GPHN: variants seen among roughly 807,000 people sequenced by gnomAD.
GPHN encodes the protein gephyrin.
In GPHN, 17 loss-of-function variants were observed where a neutral mutation model predicts 95.5. The observed-to-expected ratio is 0.18, with a 90% CI of 0.12 to 0.27. GPHN has a LOEUF of 0.27. Ranked by LOEUF, GPHN falls within the 10% of genes least tolerant of loss-of-function variation. GPHN has a pLI of 1.00. For synonymous variants in GPHN, 320 were observed against 322.5 expected (o/e 0.99, Z 0.08); for missense variants, 660 against 978.1 (o/e 0.67, Z 4.34).
chr14:66,952,423 C>T (rs1472089831), intron 8 of GPHN, among the ~76,000 whole-genome samples: 6 of 152,070 alleles, frequency 3.9e-5, no homozygotes, highest in Admixed American at 3.9e-4. Flanking sequence ...TTAGTTTATC[C>T]ATTTATTAGC....
the GPHN span, chr14:67,645,936 T>G: frequency 6.8e-6 from 7 of 1,030,844 alleles, no homozygotes; most frequent in Non-Finnish European, 9.8e-6. Context: ...ATCACTATTA[T>G]GGACCAGGCA....
chr14:66,612,714 C>G (rs190710850), intron 1 of GPHN, among the ~76,000 whole-genome samples: 44 of 152,178 alleles, frequency 2.9e-4, no homozygotes, highest in Non-Finnish European at 6.3e-4. Flanking sequence ...TCTATTGCCT[C>G]TTTCCAGTCA....
chr14:66,892,201 T>A (rs1292029059), intron 5 of GPHN, among the ~76,000 whole-genome samples: 2 of 152,070 alleles, frequency 1.3e-5, no homozygotes, highest in African/African-American at 4.8e-5. Flanking sequence ...GACAACAGGA[T>A]CACTTGAGGC....
the GPHN span, chr14:67,473,133 TCCA>T: frequency 2.2e-6 from 1 of 446,208 alleles, no homozygotes; most frequent in African/African-American, 2.0e-5. This position sits in a 1 kb window ranked among gnomAD's most constrained non-coding sequence, Gnocchi z 6.5. Flanking sequence ...AACTACATAG[TCCA>T]TCGCTGCTCA....
chr14:66,658,305 C>T (rs550239534), intron 1 of GPHN, among the ~76,000 whole-genome samples: 181 of 152,088 alleles, frequency 1.2e-3, no homozygotes, highest in Non-Finnish European at 2.0e-3. Flanking sequence ...GGAATCTACT[C>T]CTGGTGAAGA....
the GPHN span, among the ~76,000 whole-genome samples, chr14:67,450,967 G>A: frequency 6.6e-6 from 1 of 152,190 alleles, no homozygotes; most frequent in Non-Finnish European, 1.5e-5. Context: ...GCCAGGCCTA[G>A]GGTCCCCCGT....
chr14:67,270,017 A>T, the GPHN span: 1 of 152,314 alleles, frequency 6.6e-6, no homozygotes, highest in East Asian at 1.9e-4. Flanking sequence ...ATGCGTATGA[A>T]GTATATCTCT....
chr14:67,284,102 A>G, the GPHN span, among the ~76,000 whole-genome samples: 1 of 152,222 alleles, frequency 6.6e-6, no homozygotes, highest in Non-Finnish European at 1.5e-5. Flanking sequence ...AGTAAATGGC[A>G]CACTACAGGT....
chr14:67,545,650 T>C, the GPHN span, among the ~76,000 whole-genome samples: 2 of 152,236 alleles, frequency 1.3e-5, no homozygotes, highest in Admixed American at 1.3e-4. Context: ...GGAAACATTC[T>C]AAATGTCCAT....
chr14:67,181,809 T>G (rs749918812), downstream of GPHN: 6 of 183,204 alleles, frequency 3.3e-5, no homozygotes, highest in Non-Finnish European at 7.0e-5. Context: ...AAAAATGTAA[T>G]GTGTTGGCCT....
At chr14:67,110,512 T>C (rs1451721160) in intron 14 of GPHN, among the ~76,000 whole-genome samples, 1 of 152,146 alleles carries the variant, frequency 6.6e-6, no homozygotes, top group Non-Finnish European at 1.5e-5. Context: ...TGAATCATAT[T>C]TGACCCAAGC....
At chr14:67,586,216 G>A in the GPHN span, 4 of 1,252,252 alleles carry the variant, frequency 3.2e-6, no homozygotes, top group African/African-American at 4.4e-5. Context: ...TAAAATTGTT[G>A]GTCTTGTCTG....
chr14:66,899,839 T>G (rs1247489522), intron 5 of GPHN, among the ~76,000 whole-genome samples: 3 of 151,950 alleles, frequency 2.0e-5, no homozygotes, highest in South Asian at 2.1e-4. Context: ...GTAAAATGTA[T>G]ATTAATTTTT....
At chr14:66,573,383 G>T (rs2060774157) in intron 1 of GPHN, among the ~76,000 whole-genome samples, 1 of 151,726 alleles carries the variant, frequency 6.6e-6, no homozygotes, top group Non-Finnish European at 1.5e-5. Flanking sequence ...TCTGATGTTG[G>T]GTGCATATAA....
chr14:67,696,256 C>T, the GPHN span, among the ~76,000 whole-genome samples: 33 of 152,260 alleles, frequency 2.2e-4, 1 homozygote, highest in African/African-American at 7.7e-4. Flanking sequence ...AGACCCAAGT[C>T]CAGTGCCTGG....
intron 1 of GPHN, among the ~76,000 whole-genome samples, chr14:66,524,893 TATC>T (rs956311419): frequency 6.6e-6 from 1 of 151,586 alleles, no homozygotes; most frequent in Non-Finnish European, 1.5e-5. Context: ...TTATCCAGTC[TATC>T]ATTGATGGGC....
At chr14:66,715,480 A>T (rs2070087000) in intron 2 of GPHN, among the ~76,000 whole-genome samples, 2 of 151,854 alleles carry the variant, frequency 1.3e-5, no homozygotes, top group Non-Finnish European at 2.9e-5. Context: ...AATTTCATTT[A>T]GTTCTGCTCT....
the GPHN span, among the ~76,000 whole-genome samples, chr14:67,695,023 C>T: frequency 6.6e-6 from 1 of 152,204 alleles, no homozygotes; most frequent in African/African-American, 2.4e-5. Context: ...CCAGCCCTCA[C>T]CGCCCCAGTA....
At chr14:67,645,814 A>T in the GPHN span, 51 of 1,612,994 alleles carry the variant, frequency 3.2e-5, no homozygotes, top group Non-Finnish European at 4.3e-5. Flanking sequence ...TCAGTGGGCC[A>T]AAACGAAAAG....
Sources: gnomAD v4.1 joint callset for allele counts (sites outside exome capture counted in the v4.1 genomes callset) on GRCh38, gnomAD v4.1.1 for gene constraint, Gnocchi (gnomAD v3.1) non-coding constraint, MANE v1.5 for transcripts, NCBI Gene and HGNC (gene_info 2026-07-23, HGNC 2026-07-21) for gene names.